EYS: variants seen among roughly 807,000 people sequenced by gnomAD.
EYS encodes the protein EGF-like photoreceptor maintenance factor.
A neutral mutation model predicts 282.1 loss-of-function variants in EYS; 250 were observed. The ratio of observed to expected loss-of-function variants is 0.89; its 90% CI spans 0.80 to 0.98. The LOEUF is 0.98. EYS is among the 50% of genes least tolerant of loss of function. The pLI, the probability that EYS is intolerant of heterozygous loss-of-function variation, is 0.00. For missense variants in EYS, 4,016 were observed against 3,709.0 expected, an observed-to-expected ratio of 1.08 and a Z score of -2.15; for synonymous variants, 1,355 against 1,282.9, an observed-to-expected ratio of 1.06 and a Z score of -1.20.
At chr6:65,402,782 C>G (rs1766568177) in intron 6 of EYS, among the ~76,000 whole-genome samples, 177 bp from the exon 7 acceptor site, 3 of 152,056 alleles carry the variant, frequency 2.0e-5, no homozygotes, top group Admixed American at 2.0e-4. Context: ...TCCCATCTCA[C>G]ACACTCTTCC....
intron 9 of EYS, among the ~76,000 whole-genome samples, chr6:65,347,462 A>G (rs1235523487): frequency 1.3e-5 from 2 of 151,682 alleles, no homozygotes; most frequent in African/African-American, 2.4e-5. Context: ...TATGTCTTTC[A>G]TAAGCAGATA....
At chr6:65,484,605 G>A (rs1018013075) in intron 5 of EYS, among the ~76,000 whole-genome samples, 1 of 152,140 alleles carries the variant, frequency 6.6e-6, no homozygotes, top group Non-Finnish European at 1.5e-5. Context: ...TTGGTATGCA[G>A]AGAAGCTACT....
rs369437226 is a variant in EYS at position 65,335,091 on chromosome 6, T to A, written c.1655A>T (p.Tyr552Phe). The change falls in exon 11 of 43, where the codon TAT becomes TTT. Residue 552 changes from tyrosine (Y) to phenylalanine (F), a missense_variant. By Grantham distance (22) the Tyr-to-Phe change is conservative. Transcript: ENST00000503581. The part of the protein sequence containing the change: ...LSEEDSQEYR[Y>F]LCFLRWAGNM... ...GCCAGCCCATCTGAGAAAACATAGA[T>A]ACCGATATTCCTGACTGTCTTCTTC... is the stretch of plus-strand genomic sequence containing the variant. 3.6e-5 allele frequency: 58 copies of A among 1,612,136 alleles called. No homozygotes were observed. The highest frequency in any genetic ancestry group is 4.8e-5 in the Non-Finnish European group (57 of 1,178,922).
chr6:64,791,246 A>G (rs1463580576), intron 22 of EYS, among the ~76,000 whole-genome samples: 1 of 151,880 alleles, frequency 6.6e-6, no homozygotes, highest in Non-Finnish European at 1.5e-5. Context: ...CAGCAAGACG[A>G]AAAAATACAT....
intron 1 of EYS, among the ~76,000 whole-genome samples, chr6:65,679,217 C>T (rs762414976): frequency 7.0e-6 from 1 of 143,278 alleles, no homozygotes. Flanking sequence ...ATGCTCACTG[C>T]ACCTTTATTC....
At chr6:64,864,284 A>T (rs1288414837) in intron 19 of EYS, among the ~76,000 whole-genome samples, 2 of 151,628 alleles carry the variant, frequency 1.3e-5, no homozygotes, top group Non-Finnish European at 2.9e-5. Context: ...TTTTAGATTT[A>T]TATTAAAAGA....
At chr6:64,818,649 A>C (rs897196480) in intron 21 of EYS, among the ~76,000 whole-genome samples, 2 of 152,112 alleles carry the variant, frequency 1.3e-5, no homozygotes, top group Non-Finnish European at 2.9e-5. Flanking sequence ...ATTTGGAGTC[A>C]AATGTTTGAG....
chr6:65,682,820 G>C (rs1266932450), intron 1 of EYS, among the ~76,000 whole-genome samples: 1 of 151,824 alleles, frequency 6.6e-6, no homozygotes, highest in East Asian at 1.9e-4. Context: ...TAAAAAGAAA[G>C]AAAAGAAGGT....
chr6:64,886,888 A>T (rs756114739), intron 18 of EYS, 46 bp from the exon 19 acceptor site: 1 of 1,118,986 alleles, frequency 8.9e-7, no homozygotes, highest in South Asian at 1.7e-5. Context: ...AACAATGATA[A>T]TCATTTATTA....
At chr6:64,733,847 C>G in intron 22 of EYS, 1 of 160,320 alleles carries the variant, frequency 6.2e-6, no homozygotes, top group South Asian at 1.9e-4. Flanking sequence ...TCTTGCTTCT[C>G]TGTGGCTCCT....
rs150224074 is a variant in EYS, at chr6:65,224,496, T to C, written c.2023+71367A>G. Among the ~76,000 whole-genome samples, 1,060 of 152,064 alleles carry C rather than the reference T, an allele frequency of 7.0e-3. 10 individuals are homozygous for C. Among genetic ancestry groups the C allele is most frequent in the African/African-American group, 0.024 (1,010 of 41,488 alleles). Reference sequence around the variant, plus strand: ...AAATCAACAACCTAATGTTACACCTTAAGGAATCAGAAAAATAGCAAACTA... The same window carrying C: ...AAATCAACAACCTAATGTTACACCTCAAGGAATCAGAAAAATAGCAAACTA... On this transcript the variant is annotated intron_variant, in intron 12 of 42. Coordinates refer to ENST00000503581, the MANE Select transcript of EYS (RefSeq NM_001142800.2).
At chr6:65,537,621 A>G (rs1445750531) in intron 2 of EYS, among the ~76,000 whole-genome samples, 3 of 152,202 alleles carry the variant, frequency 2.0e-5, no homozygotes, top group African/African-American at 7.2e-5. Context: ...TGGAAAATCA[A>G]AAATTCATTT....
chr6:64,838,216 G>A (rs986512430), intron 19 of EYS, among the ~76,000 whole-genome samples: 1 of 151,802 alleles, frequency 6.6e-6, no homozygotes, highest in South Asian at 2.1e-4. Context: ...ATTTGACTGT[G>A]AATCTGTTCC....
At chr6:64,241,560 T>C (rs9344914) in intron 30 of EYS, among the ~76,000 whole-genome samples, 39,753 of 151,720 alleles carry the variant, frequency 0.26, 5,554 homozygotes, top group East Asian at 0.43. Context: ...GTGGGGTCAG[T>C]GTTGTTGTCT....
At chr6:64,634,969 T>C (rs1767922570) in intron 22 of EYS, among the ~76,000 whole-genome samples, 1 of 152,126 alleles carries the variant, frequency 6.6e-6, no homozygotes, top group African/African-American at 2.4e-5. Flanking sequence ...GGAATGTTCT[T>C]CCATTTGTTT....
rs184427689 is a variant in EYS at position 65,397,690 on chromosome 6, C to T, written c.1184+4788G>A. 2.6e-4 allele frequency among the ~76,000 whole-genome samples: 39 copies of T among 149,924 alleles called. No homozygotes were observed. The East Asian group carries it at 7.4e-3, about 28-fold the overall frequency. ...CACTTAGGCTGATTCCATGACTTTG[C>T]TATTGTGAATTGTACTGTGATAAAC... is the stretch of plus-strand genomic sequence containing the variant. On this transcript the variant is annotated intron_variant, in intron 7 of 42. Transcript: ENST00000503581.
intron 35 of EYS, among the ~76,000 whole-genome samples, chr6:63,914,742 A>T (rs964864050): frequency 6.6e-6 from 1 of 150,820 alleles, no homozygotes; most frequent in African/African-American, 2.4e-5. Context: ...AAGCAAAACA[A>T]CTCTATTGCT....
At chr6:64,391,326 G>T (rs1006235736) in intron 28 of EYS, among the ~76,000 whole-genome samples, 30 of 151,974 alleles carry the variant, frequency 2.0e-4, no homozygotes, top group Non-Finnish European at 3.8e-4. Context: ...ATAATTGTCA[G>T]ATTCACCAAA....
intron 31 of EYS, among the ~76,000 whole-genome samples, chr6:64,088,138 G>A (rs1772222498): frequency 6.6e-6 from 1 of 152,022 alleles, no homozygotes; most frequent in African/African-American, 2.4e-5. Flanking sequence ...TAGTGGATAT[G>A]TTGAAAAACA....
Sources: gnomAD v4.1 joint callset for allele counts (sites outside exome capture counted in the v4.1 genomes callset) on GRCh38, gnomAD v4.1.1 for gene constraint, MANE v1.5 for transcripts, NCBI Gene and HGNC (gene_info 2026-07-23, HGNC 2026-07-21) for gene names.